CNOT6L: variants seen among roughly 807,000 people sequenced by gnomAD.
CNOT6L encodes CCR4-NOT transcription complex subunit 6 like.
Under a neutral mutation model 64.0 loss-of-function variants are expected in CNOT6L, and 7 were observed. That is an observed-to-expected ratio of 0.11 (90% CI 0.06 to 0.21). CNOT6L has a LOEUF of 0.21. CNOT6L is among the 10% of genes least tolerant of loss of function. The pLI is 1.00. For missense variants in CNOT6L, 245 were observed against 669.0 expected (o/e 0.37, Z 6.99); for synonymous variants, 193 against 243.4 (o/e 0.79, Z 1.93).
At chr4:77,779,073 AC>A (rs372764861) in intron 1 of CNOT6L, among the ~76,000 whole-genome samples, 66,522 of 128,342 alleles carry the variant, frequency 0.52, 19,524 homozygotes, top group Admixed American at 0.56. Flanking sequence ...CAAAAAAAAA[AC>A]ACAAAAAACA....
chr4:77,798,003 T>C (rs1005993306), intron 1 of CNOT6L, among the ~76,000 whole-genome samples: 1 of 152,186 alleles, frequency 6.6e-6, no homozygotes, highest in Non-Finnish European at 1.5e-5. Flanking sequence ...AATTAGACTT[T>C]CAAGAACTTT....
rs3205281 is a variant in CNOT6L, at chr4:77,717,337, T to C, written c.*3094A>G. Reference sequence around the variant, plus strand: ...GTGGGTGACTTGACATGCACTTGTATGACTGTAATAATGGCAAACAGTACA... The same window carrying C: ...GTGGGTGACTTGACATGCACTTGTACGACTGTAATAATGGCAAACAGTACA... On this transcript the variant is annotated 3_prime_UTR_variant, in exon 12 of 12. Coordinates refer to ENST00000504123, the MANE Select transcript of CNOT6L (RefSeq NM_144571.3). 120,181 of 152,378 alleles carry C rather than the reference T, an allele frequency of 0.79. 48,254 individuals carry two copies. Among genetic ancestry groups the C allele is most frequent in the Non-Finnish European group, 0.86 (58,469 of 67,972 alleles). The allele number at this position is 152,378 out of a possible 1,614,324, so 9.4% of individuals were successfully genotyped here. A position where few individuals can be genotyped will look rare whatever the true frequency, so the allele number is the denominator to read the frequency against.
intron 1 of CNOT6L, among the ~76,000 whole-genome samples, chr4:77,803,877 T>C (rs1206115004): frequency 6.6e-6 from 1 of 151,500 alleles, no homozygotes; most frequent in Non-Finnish European, 1.5e-5. Context: ...CACTCCAGCC[T>C]GTCAACAAGA....
At chr4:77,813,904 C>T (rs1218465076) in intron 1 of CNOT6L, among the ~76,000 whole-genome samples, 2 of 151,982 alleles carry the variant, frequency 1.3e-5, no homozygotes, top group African/African-American at 4.8e-5. Context: ...AGGTACACAC[C>T]CAAAAGAATT....
intron 5 of CNOT6L, among the ~76,000 whole-genome samples, chr4:77,756,660 A>C (rs1415966725): frequency 6.6e-6 from 1 of 152,220 alleles, no homozygotes; most frequent in Non-Finnish European, 1.5e-5. Flanking sequence ...TAATGCAACT[A>C]ATCTCCTAAC....
rs1730250900 is a variant in CNOT6L, at chr4:77,792,308, T to A, written c.6-15916A>T. On this transcript the variant is annotated intron_variant, in intron 1 of 11. Coordinates refer to ENST00000504123, the MANE Select transcript of CNOT6L (RefSeq NM_144571.3). ...AACTATAGAGGCAAAAATTCTATAC[T>A]TTAAGCCATCAGTTTGAACAATCAG... Among the ~76,000 whole-genome samples the A allele has an allele frequency of 4.6e-5, 7 of 152,188 alleles. No individual in the cohort carries two copies. In the South Asian group the frequency reaches 1.5e-3, roughly 32 times the overall value.
chr4:77,791,670 G>GT (rs981829295), intron 1 of CNOT6L, among the ~76,000 whole-genome samples: 7 of 151,650 alleles, frequency 4.6e-5, no homozygotes, highest in African/African-American at 1.2e-4. Context: ...ATTTTTCTAA[G>GT]TTTTTTTTCA....
intron 5 of CNOT6L, among the ~76,000 whole-genome samples, chr4:77,750,306 A>G (rs1724713122): frequency 6.6e-6 from 1 of 152,162 alleles, no homozygotes; most frequent in South Asian, 2.1e-4. Context: ...AGGAATTTTA[A>G]CTTTTTTTAC....
intron 8 of CNOT6L, 146 bp from the exon 9 acceptor site, chr4:77,731,684 G>A: frequency 1.8e-6 from 1 of 548,316 alleles, no homozygotes; most frequent in East Asian, 3.3e-5. Flanking sequence ...TAAGACACAA[G>A]AAGTCTGATT....
chr4:77,721,644 G>C (rs1410389032), intron 11 of CNOT6L, among the ~76,000 whole-genome samples: 4 of 152,012 alleles, frequency 2.6e-5, no homozygotes, highest in Admixed American at 2.6e-4. Flanking sequence ...ATTTTCATTT[G>C]ACCAATATCA....
At chr4:77,728,238 CATT>C (rs1722085374) in intron 10 of CNOT6L, among the ~76,000 whole-genome samples, 1 of 152,168 alleles carries the variant, frequency 6.6e-6, no homozygotes, top group African/African-American at 2.4e-5. Context: ...AAGTTGCTAA[CATT>C]ATTAAACTAG....
At chr4:77,791,171 G>A (rs956219761) in intron 1 of CNOT6L, among the ~76,000 whole-genome samples, 23 of 151,976 alleles carry the variant, frequency 1.5e-4, no homozygotes, top group African/African-American at 5.3e-4. Context: ...CCAGCTACTC[G>A]GGAAGCTGAG....
At chr4:77,750,245 T>C (rs930960873) in intron 5 of CNOT6L, among the ~76,000 whole-genome samples, 13 of 152,180 alleles carry the variant, frequency 8.5e-5, no homozygotes, top group Non-Finnish European at 1.8e-4. Flanking sequence ...ATTACCTGCA[T>C]GGAAGGGACT....
In CNOT6L at chr4:77,808,183, C is replaced by T. The variant is rs61310174; in HGVS notation, c.5+11121G>A. On this transcript the variant is annotated intron_variant, in intron 1 of 11. Transcript: ENST00000504123. ...CTTCATAGAAAAAAGCTTGCTAGGC[C>T]TGGCGAGGTGGCTCATTCCTGTAAT... 5.3e-3 allele frequency among the ~76,000 whole-genome samples: 803 copies of T among 152,266 alleles called. 7 individuals carry two copies. Among genetic ancestry groups the T allele is most frequent in the African/African-American group, 0.018 (756 of 41,542 alleles).
chr4:77,755,218 C>CA (rs1315279810), intron 5 of CNOT6L, among the ~76,000 whole-genome samples: 1 of 126,826 alleles, frequency 7.9e-6, no homozygotes, highest in Non-Finnish European at 1.6e-5. Context: ...TCTATAGAGA[C>CA]AAGAGTTTTT....
At chr4:77,762,183 C>G (rs1577958983) in intron 4 of CNOT6L, among the ~76,000 whole-genome samples, 1 of 152,048 alleles carries the variant, frequency 6.6e-6, no homozygotes, top group African/African-American at 2.4e-5. Flanking sequence ...TCAACATAAT[C>G]CCATGACAAA....
intron 7 of CNOT6L, among the ~76,000 whole-genome samples, chr4:77,743,615 TTTTTG>T (rs1286179304): frequency 7.5e-6 from 1 of 133,226 alleles, no homozygotes; most frequent in African/African-American, 2.7e-5. Flanking sequence ...TTTTTTTTTT[TTTTTG>T]AGACAGAATC....
intron 1 of CNOT6L, among the ~76,000 whole-genome samples, chr4:77,791,621 T>C (rs2110110516): frequency 6.6e-6 from 1 of 152,320 alleles, no homozygotes; most frequent in East Asian, 1.9e-4. Context: ...CTAATGCATA[T>C]AATTTCTCTA....
chr4:77,745,413 T>C (rs1488304972), intron 6 of CNOT6L, among the ~76,000 whole-genome samples: 4 of 152,168 alleles, frequency 2.6e-5, no homozygotes, highest in African/African-American at 9.7e-5. Flanking sequence ...GTCCTTTAAC[T>C]ATAAAAAGAC....
Sources: allele counts gnomAD v4.1 joint callset (sites outside exome capture counted in the v4.1 genomes callset), GRCh38; gene constraint gnomAD v4.1.1; transcripts MANE v1.5; gene names NCBI Gene and HGNC (gene_info 2026-07-23, HGNC 2026-07-21).